The following FGF12 variants were observed in gnomAD, a reference collection of about 807,000 sequenced individuals.
FGF12 encodes fibroblast growth factor 12.
Under a neutral mutation model 23.6 loss-of-function variants are expected in FGF12, and 14 were observed. That is an observed-to-expected ratio of 0.59 (90% CI 0.39 to 0.93). The LOEUF is 0.93. FGF12 is among the 40% of genes least tolerant of loss of function. The probability of loss-of-function intolerance (pLI) is 0.00; values close to 1 mark genes in which losing one functional copy is unlikely to be tolerated. For synonymous variants in FGF12, 62 were observed against 77.3 expected, an observed-to-expected ratio of 0.80 and a Z score of 1.04; for missense variants, 175 against 217.8, an observed-to-expected ratio of 0.80 and a Z score of 1.24.
At chr3:192,570,008 G>C (rs1712520174) in intron 2 of FGF12, among the ~76,000 whole-genome samples, 1 of 152,214 alleles carries the variant, frequency 6.6e-6, no homozygotes, top group Non-Finnish European at 1.5e-5. Context: ...AAGTGCCAGT[G>C]ATGACTGCAA....
At chr3:192,547,850 A>T (rs1485713585) in intron 2 of FGF12, among the ~76,000 whole-genome samples, 2 of 152,140 alleles carry the variant, frequency 1.3e-5, no homozygotes, top group Admixed American at 6.5e-5. Context: ...TGTTTTTTCT[A>T]TAGCTTCTGT....
chr3:192,618,439 A>T (rs1239071480), intron 2 of FGF12, among the ~76,000 whole-genome samples: 1 of 152,104 alleles, frequency 6.6e-6, no homozygotes, highest in Admixed American at 6.6e-5. Context: ...ATTGATTTTT[A>T]AAAATTATCA....
At chr3:192,147,036 C>A (rs1286819686) in intron 5 of FGF12, among the ~76,000 whole-genome samples, 2 of 152,158 alleles carry the variant, frequency 1.3e-5, no homozygotes, top group East Asian at 3.8e-4. Flanking sequence ...TTCCAGTTCA[C>A]TGATGAAAAC....
chr3:192,232,264 C>G (rs1015131512), intron 4 of FGF12, among the ~76,000 whole-genome samples: 2 of 151,990 alleles, frequency 1.3e-5, no homozygotes, highest in African/African-American at 4.8e-5. Flanking sequence ...ATTTTCTTTC[C>G]TTTCTTTTTA....
chr3:192,390,965 C>A (rs764639785), intron 2 of FGF12, among the ~76,000 whole-genome samples: 1 of 152,166 alleles, frequency 6.6e-6, no homozygotes, highest in Non-Finnish European at 1.5e-5. Context: ...CCCAGTGGAA[C>A]AACTACCAGG....
chr3:192,349,489 C>T (rs1718110581), intron 3 of FGF12, among the ~76,000 whole-genome samples: 1 of 151,992 alleles, frequency 6.6e-6, no homozygotes, highest in South Asian at 2.1e-4. Context: ...TAAATTTATA[C>T]TGCTGCCCTT....
chr3:192,494,861 A>ATAT (rs1723902700), intron 2 of FGF12, among the ~76,000 whole-genome samples: 2 of 145,420 alleles, frequency 1.4e-5, no homozygotes, highest in African/African-American at 2.7e-5. Context: ...TATATATATA[A>ATAT]AATACATTTT....
intron 2 of FGF12, among the ~76,000 whole-genome samples, chr3:192,535,201 G>T (rs1035572998): frequency 6.6e-6 from 1 of 152,072 alleles, no homozygotes; most frequent in Admixed American, 6.6e-5. Flanking sequence ...CTAAAAATAG[G>T]TTTTTCATAT....
intron 2 of FGF12, among the ~76,000 whole-genome samples, chr3:192,428,263 A>G (rs933442034): frequency 1.3e-5 from 2 of 152,216 alleles, no homozygotes; most frequent in African/African-American, 4.8e-5. Flanking sequence ...ATTTCCTAGA[A>G]GGCAGGGAGT....
chr3:192,230,592 C>A (rs1718966909), intron 4 of FGF12, among the ~76,000 whole-genome samples: 1 of 152,088 alleles, frequency 6.6e-6, no homozygotes, highest in Admixed American at 6.6e-5. Context: ...TCCAACTCAC[C>A]TGGAAATAAC....
At chr3:192,500,151 C>G (rs968098020) in intron 2 of FGF12, among the ~76,000 whole-genome samples, 1 of 152,148 alleles carries the variant, frequency 6.6e-6, no homozygotes, top group African/African-American at 2.4e-5. Context: ...GCTAAGGATG[C>G]CCAGGTGGCT....
chr3:192,288,396 A>C lies in FGF12; in HGVS notation c.228+46965T>G, dbSNP rs142691200. On this transcript the variant is annotated intron_variant, in intron 4 of 5. Coordinates refer to ENST00000445105, the MANE Select transcript of FGF12 (RefSeq NM_004113.6). ...AAGAGAAAGACAAAACATAGTATCT[A>C]TTCTCCCGAAGGATTCATGAATCTT... Among the ~76,000 whole-genome samples, 424 of 152,226 alleles carry C rather than the reference A, an allele frequency of 2.8e-3. 2 individuals are homozygous for C. The highest frequency in any genetic ancestry group is 9.7e-3 in the African/African-American group (403 of 41,548).
intron 2 of FGF12, among the ~76,000 whole-genome samples, chr3:192,393,278 T>C (rs564768675): frequency 1.3e-5 from 2 of 152,336 alleles, no homozygotes; most frequent in East Asian, 3.9e-4. Flanking sequence ...CACCCTGTTC[T>C]AATCAAACAG....
chr3:192,503,505 C>T (rs886378459), intron 2 of FGF12, among the ~76,000 whole-genome samples: 5 of 151,556 alleles, frequency 3.3e-5, no homozygotes, highest in East Asian at 1.9e-4. Context: ...CATTTTTTAT[C>T]CGTGAAAAAC....
At chr3:192,196,737 T>A (rs1238762375) in intron 4 of FGF12, among the ~76,000 whole-genome samples, 1 of 152,202 alleles carries the variant, frequency 6.6e-6, no homozygotes, top group African/African-American at 2.4e-5. Flanking sequence ...TAGCATTCTT[T>A]CCACCATTTA....
chr3:192,279,349 AAGAG>A (rs1213938592), intron 4 of FGF12, among the ~76,000 whole-genome samples: 1 of 151,910 alleles, frequency 6.6e-6, no homozygotes, highest in Non-Finnish European at 1.5e-5. Flanking sequence ...AAATGACTCT[AAGAG>A]AGAGCATTTA....
chr3:192,556,134 C>T (rs1385574394), intron 2 of FGF12, among the ~76,000 whole-genome samples: 2 of 151,714 alleles, frequency 1.3e-5, no homozygotes, highest in Non-Finnish European at 2.9e-5. Context: ...AGACAGAAAA[C>T]AACTAATAAA....
intron 2 of FGF12, among the ~76,000 whole-genome samples, chr3:192,561,564 G>C (rs182531265): frequency 2.0e-5 from 3 of 151,986 alleles, no homozygotes; most frequent in African/African-American, 7.2e-5. Context: ...GGGTTTCACC[G>C]TGTTAGCCAG....
At chr3:192,666,302 C>G (rs924457250) in intron 2 of FGF12, among the ~76,000 whole-genome samples, 4 of 152,148 alleles carry the variant, frequency 2.6e-5, no homozygotes, top group Non-Finnish European at 4.4e-5. Context: ...CTCTACAAAG[C>G]AGCAAACAGT....
Sources: allele counts gnomAD v4.1 joint callset (sites outside exome capture counted in the v4.1 genomes callset), GRCh38; gene constraint gnomAD v4.1.1; transcripts MANE v1.5; gene names NCBI Gene and HGNC (gene_info 2026-07-23, HGNC 2026-07-21).